Variants in IL1RAPL1 observed in about 807,000 individuals in gnomAD.
IL1RAPL1 encodes the protein interleukin-1 receptor accessory protein-like 1.
IL1RAPL1 carries 3 observed loss-of-function variants against 48.4 expected under a neutral mutation model. The observed-to-expected ratio is 0.06, with a 90% confidence interval of 0.03 to 0.16. IL1RAPL1 has a LOEUF of 0.16. IL1RAPL1 is among the 10% of genes least tolerant of loss of function. IL1RAPL1 has a pLI of 1.00. For synonymous variants in IL1RAPL1, 185 were observed against 187.7 expected, an observed-to-expected ratio of 0.99 and a Z score of 0.12; for missense variants, 349 against 530.6, an observed-to-expected ratio of 0.66 and a Z score of 3.36.
intron 2 of IL1RAPL1, among the ~76,000 whole-genome samples, chrX:29,058,129 A>G (rs1055625205): frequency 1.4e-4 from 15 of 111,038 alleles, no homozygotes; most frequent in African/African-American, 4.3e-4. Flanking sequence ...TAATCCCAGC[A>G]CTTTGGGAGG....
intron 2 of IL1RAPL1, among the ~76,000 whole-genome samples, chrX:29,176,510 C>T (rs1369275112): frequency 9.1e-6 from 1 of 110,397 alleles, no homozygotes; most frequent in African/African-American, 3.3e-5. Flanking sequence ...AGGAATTCCT[C>T]AACTGTTTTA....
chrX:29,739,226 T>G (rs1009843363), intron 6 of IL1RAPL1, among the ~76,000 whole-genome samples: 17 of 112,559 alleles, frequency 1.5e-4, no homozygotes, highest in African/African-American at 5.2e-4. Context: ...TCTAAATGGA[T>G]TATTAGGTTG....
intron 6 of IL1RAPL1, among the ~76,000 whole-genome samples, chrX:29,669,769 A>G (rs1926094963): frequency 9.0e-6 from 1 of 111,719 alleles, no homozygotes; most frequent in African/African-American, 3.2e-5. Flanking sequence ...TTTGAGATGG[A>G]AGGTTACAGA....
chrX:29,689,872 G>A (rs1926728966), intron 6 of IL1RAPL1, among the ~76,000 whole-genome samples: 1 of 112,054 alleles, frequency 8.9e-6, no homozygotes, highest in African/African-American at 3.2e-5. Context: ...TCTGTTGAAA[G>A]TTTCAATTTC....
intron 2 of IL1RAPL1, among the ~76,000 whole-genome samples, chrX:29,045,981 TTCCTCC>T (rs200472555): frequency 1.3e-5 from 1 of 77,662 alleles, no homozygotes; most frequent in Non-Finnish European, 2.3e-5. Flanking sequence ...CTCCTCCTTC[TTCCTCC>T]TCCTCCTCCT....
chrX:28,847,390 A>G (rs1921536803), intron 2 of IL1RAPL1, among the ~76,000 whole-genome samples: 2 of 110,874 alleles, frequency 1.8e-5, no homozygotes, highest in African/African-American at 6.6e-5. Context: ...TATTCTGAAT[A>G]TGGCAGCCAG....
chrX:29,744,756 T>G (rs748062221), intron 6 of IL1RAPL1, among the ~76,000 whole-genome samples: 1 of 112,018 alleles, frequency 8.9e-6, no homozygotes, highest in South Asian at 3.7e-4. Context: ...TAAAAATGAG[T>G]CGTTTTTTAA....
chrX:29,624,060 C>T (rs976292037), intron 5 of IL1RAPL1, among the ~76,000 whole-genome samples: 6 of 112,056 alleles, frequency 5.4e-5, no homozygotes, highest in Non-Finnish European at 9.4e-5. Flanking sequence ...TTTATCCTAT[C>T]GTTTCTCAAC....
At chrX:29,263,858 TCTCC>T (rs1196144860) in intron 2 of IL1RAPL1, among the ~76,000 whole-genome samples, 2 of 36,776 alleles carry the variant, frequency 5.4e-5, no homozygotes, top group Admixed American at 2.7e-4. Context: ...TCTCTCTCTC[TCTCC>T]CCCCCCCCCG....
chrX:28,939,056 GAA>G (rs1277143789), intron 2 of IL1RAPL1, among the ~76,000 whole-genome samples: 1 of 109,473 alleles, frequency 9.1e-6, no homozygotes, highest in African/African-American at 3.3e-5. Context: ...TGGTTGTAGA[GAA>G]AAGAGAACAC....
At chrX:28,849,749 G>A (rs1921610978) in intron 2 of IL1RAPL1, among the ~76,000 whole-genome samples, 1 of 111,671 alleles carries the variant, frequency 9.0e-6, no homozygotes, top group Non-Finnish European at 1.9e-5. Flanking sequence ...GGTCTTTCTT[G>A]CTCATCTTTA....
chrX:28,788,937 C>T (rs755845040), intron 1 of IL1RAPL1, among the ~76,000 whole-genome samples: 23 of 111,795 alleles, frequency 2.1e-4, no homozygotes, highest in Non-Finnish European at 3.8e-4. Flanking sequence ...CATTCTATTG[C>T]AGCATGGAAT....
At chrX:29,374,733 G>T (rs753710910) in intron 3 of IL1RAPL1, among the ~76,000 whole-genome samples, 1,672 of 109,031 alleles carry the variant, frequency 0.015, 13 homozygotes, top group Middle Eastern at 0.075. Context: ...GGATGGAGGG[G>T]TACCTACAGG....
chrX:28,685,779 G>T (rs189558225), intron 1 of IL1RAPL1, among the ~76,000 whole-genome samples: 4 of 111,911 alleles, frequency 3.6e-5, no homozygotes, highest in East Asian at 2.8e-4. Context: ...TTTGCATTCT[G>T]ATTTGCATAA....
At chrX:29,888,005 G>A (rs900879463) in intron 6 of IL1RAPL1, among the ~76,000 whole-genome samples, 7 of 111,299 alleles carry the variant, frequency 6.3e-5, no homozygotes, top group African/African-American at 1.3e-4. Flanking sequence ...CCTAACACCC[G>A]ATCTTCATTT....
At chrX:28,985,772 G>A (rs1344361082) in intron 2 of IL1RAPL1, among the ~76,000 whole-genome samples, 1 of 106,672 alleles carries the variant, frequency 9.4e-6, no homozygotes, top group Non-Finnish European at 1.9e-5. Context: ...CCATTCTCCT[G>A]CCTCAGCCTC....
At chrX:29,479,627 C>T (rs1049933421) in intron 5 of IL1RAPL1, among the ~76,000 whole-genome samples, 4 of 108,911 alleles carry the variant, frequency 3.7e-5, no homozygotes, top group East Asian at 2.9e-4. Flanking sequence ...CCATCACCTG[C>T]GCAGTGTACG....
At chrX:29,734,188 A>C (rs1927990088) in intron 6 of IL1RAPL1, among the ~76,000 whole-genome samples, 1 of 112,948 alleles carries the variant, frequency 8.9e-6, no homozygotes, top group Admixed American at 9.4e-5. Flanking sequence ...GCACAGGAAA[A>C]AAGAAGACAG....
chrX:28,610,512 G>C (rs1934134404), intron 1 of IL1RAPL1, among the ~76,000 whole-genome samples: 2 of 112,684 alleles, frequency 1.8e-5, no homozygotes, highest in South Asian at 7.3e-4. Flanking sequence ...AATTGACTTT[G>C]TCAGTGCTTT....
Sources: allele counts gnomAD v4.1 joint callset (sites outside exome capture counted in the v4.1 genomes callset), GRCh38; gene constraint gnomAD v4.1.1; transcripts MANE v1.5; gene names NCBI Gene and HGNC (gene_info 2026-07-23, HGNC 2026-07-21).